The following SLC7A5 variants were observed in gnomAD, a reference collection of about 807,000 sequenced individuals.
The protein encoded by SLC7A5 is solute carrier family 7 member 5.
SLC7A5 carries 23 observed loss-of-function variants against 50.2 expected under a neutral mutation model. The ratio of observed to expected loss-of-function variants is 0.46; its 90% CI spans 0.33 to 0.65. The LOEUF is 0.65. Among genes scored for constraint, SLC7A5 ranks in the 30% least tolerant of loss-of-function variants. SLC7A5 has a pLI of 0.02. For missense variants in SLC7A5, 578 were observed against 684.4 expected (o/e 0.84, Z 1.73); for synonymous variants, 393 against 330.6 (o/e 1.19, Z -2.05).
intron 1 of SLC7A5, among the ~76,000 whole-genome samples, chr16:87,854,280 CTTATATTTATTCCTT>C (rs2055285408): frequency 6.6e-6 from 1 of 152,090 alleles, no homozygotes; most frequent in South Asian, 2.1e-4. Flanking sequence ...CAAAGGGGAC[CTTATATTTATTCCTT>C]TTATAACAAG....
rs746506885 is a variant in SLC7A5 at position 87,868,937 on chromosome 16, G to A, written c.486C>T (p.Pro162=). Residue 162 remains proline (P), a synonymous_variant, in exon 1 of 10, where the codon CCC becomes CCT. Coordinates refer to ENST00000261622, the MANE Select transcript of SLC7A5 (RefSeq NM_003486.7). ...FATYLLKPLF[P]TCPVPEEAAK... is the part of the protein sequence containing the mutation. ...CTGCCTCCTCGGGCACCGGGCAGGT[G>A]GGGAAGAGCGGCTTGAGCAGGTAGG... 3.7e-6 allele frequency: 6 copies of A among 1,610,346 alleles called. No homozygotes were observed. In the African/African-American group the frequency reaches 4.0e-5, roughly 11 times the overall value.
In SLC7A5 at chr16:87,869,170, C is replaced by T; in HGVS notation, c.253G>A (p.Ala85Thr). The T allele has an allele frequency of 6.2e-7, 1 of 1,612,196 alleles. No individual in the cohort carries two copies. Among genetic ancestry groups the T allele is most frequent in the Non-Finnish European group, 8.5e-7 (1 of 1,179,736 alleles). Residue 85 changes from alanine (A) to threonine (T), a missense_variant, in exon 1 of 10, where the codon GCG becomes ACG. Ala to Thr is a moderately conservative substitution (Grantham distance 58, BLOSUM62 0). Coordinates refer to ENST00000261622, the MANE Select transcript of SLC7A5 (RefSeq NM_003486.7). ...VLKEAGSPGL[A>T]LVVWAACGVF... ...CCGCACGCGGCCCACACCACCAGCG[C>T]CAGCCCCGGCGAGCCTGCCTCCTTG...
chr16:87,839,141 C>G (rs1461096774), intron 5 of SLC7A5, among the ~76,000 whole-genome samples: 2 of 152,228 alleles, frequency 1.3e-5, no homozygotes, highest in Non-Finnish European at 2.9e-5. Context: ...CAGCACGGTG[C>G]CCTGCCGGCA....
At chr16:87,836,455 C>G (rs375131683) in intron 8 of SLC7A5, 43 bp downstream of exon 8, 16 of 1,601,476 alleles carry the variant, frequency 1.0e-5, no homozygotes, top group African/African-American at 2.7e-5. Context: ...CGGACCCTGC[C>G]TCTGTGAAGG....
chr16:87,835,719 C>T (rs2054993170), intron 8 of SLC7A5, among the ~76,000 whole-genome samples: 1 of 152,194 alleles, frequency 6.6e-6, no homozygotes, highest in African/African-American at 2.4e-5. Context: ...TGTGATCTGC[C>T]CGCCTCGGCC....
At position 87,834,579 on chromosome 16, in the gene SLC7A5, G is replaced by A. The variant is rs1038464020; in HGVS notation, c.1303C>T (p.Leu435=). ...LERPIKVNLA[L]PVFFILACLF... is the part of the protein sequence containing the mutation. ...CAGGCCAGGATGAAGAACACAGGCA[G>A]GGCCAGGTTCACCTGGGGCAGAGGA... Residue 435 remains leucine (L), a synonymous_variant, in exon 9 of 10, where the codon CTG becomes TTG. Transcript: ENST00000261622. 12 of 1,590,844 alleles carry A rather than the reference G, an allele frequency of 7.5e-6. No individual in the cohort carries two copies. Among genetic ancestry groups the A allele is most frequent in the African/African-American group, 1.3e-5 (1 of 74,792 alleles).
chr16:87,851,671 C>T lies in SLC7A5; in HGVS notation c.664+53G>A, dbSNP rs977736837. 3.1e-6 allele frequency: 5 copies of T among 1,593,328 alleles called. No homozygotes were observed. In the African/African-American group the frequency reaches 5.4e-5, roughly 17 times the overall value. On this transcript the variant is annotated intron_variant, in intron 2 of 9. Transcript: ENST00000261622. ...ACGGGACCTCATGCCCTGTGAAGGA[C>T]ACACAGGCAAAGCCTCGAGGGGCCG... is the stretch of plus-strand genomic sequence containing the variant.
intron 1 of SLC7A5, among the ~76,000 whole-genome samples, chr16:87,867,876 G>A (rs1396169788): frequency 6.6e-6 from 1 of 152,176 alleles, no homozygotes; most frequent in Non-Finnish European, 1.5e-5. Context: ...AGCACTTTGG[G>A]AGGCCGAGGC....
chr16:87,856,581 A>G (rs1194207832), intron 1 of SLC7A5, among the ~76,000 whole-genome samples: 5 of 152,136 alleles, frequency 3.3e-5, no homozygotes, highest in Non-Finnish European at 7.4e-5. Flanking sequence ...CAAACCTGAC[A>G]CCCAGCCTTG....
chr16:87,846,318 G>A (rs2055153603), intron 2 of SLC7A5, among the ~76,000 whole-genome samples: 2 of 152,256 alleles, frequency 1.3e-5, no homozygotes, highest in Admixed American at 1.3e-4. Flanking sequence ...GTGAGCTTTG[G>A]CAGCTCGAGG....
chr16:87,850,000 C>T (rs2055199668), intron 2 of SLC7A5, among the ~76,000 whole-genome samples: 1 of 152,212 alleles, frequency 6.6e-6, no homozygotes, highest in African/African-American at 2.4e-5. Flanking sequence ...GACAGTCTGG[C>T]CCCAGCCCCT....
intron 2 of SLC7A5, among the ~76,000 whole-genome samples, chr16:87,847,339 C>T (rs372656350): frequency 6.6e-6 from 1 of 152,174 alleles, no homozygotes; most frequent in Non-Finnish European, 1.5e-5. Context: ...GGGGGCTGGA[C>T]GCCCCCACCC....
At chr16:87,845,430 A>C (rs1014624326) in intron 2 of SLC7A5, among the ~76,000 whole-genome samples, 2 of 150,690 alleles carry the variant, frequency 1.3e-5, no homozygotes, top group African/African-American at 2.5e-5. Context: ...CACAGAGTCC[A>C]CGCCCACCCC....
chr16:87,857,529 C>A (rs1475069970), intron 1 of SLC7A5, among the ~76,000 whole-genome samples: 3 of 152,212 alleles, frequency 2.0e-5, no homozygotes, highest in East Asian at 1.9e-4. Context: ...GCGATCCGCC[C>A]ACCTTGGCCT....
In SLC7A5 at chr16:87,838,736, C is replaced by A; in HGVS notation, c.1021G>T (p.Gly341Trp). The A allele has an allele frequency of 6.2e-7, 1 of 1,613,952 alleles. No homozygotes were observed. ...VGLSCFGSVNGSLFTSSRLFF... is the reference protein window; with the variant it reads ...VGLSCFGSVNWSLFTSSRLFF... ...CACCTGGAGGATGTGAACAGGGACCCATTGACGGAGCCGAAGCAGGACAGG... is the reference window on the plus strand; with the variant it reads ...CACCTGGAGGATGTGAACAGGGACCAATTGACGGAGCCGAAGCAGGACAGG... Residue 341 changes from glycine to tryptophan, a missense_variant, in exon 6 of 10, where the codon GGG becomes TGG. Around this residue, in one of 2 missense-constraint regions of SLC7A5, gnomAD observed 465 missense variants for 594.6 expected, o/e 0.78. Coordinates refer to ENST00000261622, the MANE Select transcript of SLC7A5 (RefSeq NM_003486.7).
At chr16:87,849,166 T>C (rs1053911849) in intron 2 of SLC7A5, among the ~76,000 whole-genome samples, 3 of 152,350 alleles carry the variant, frequency 2.0e-5, no homozygotes, top group African/African-American at 4.8e-5. Flanking sequence ...TTGAAGTATC[T>C]GGGGGCGCTG....
rs1301597696 is a variant in SLC7A5 at position 87,841,718 on chromosome 16, G to A, written c.665-563C>T. 6.6e-6 allele frequency among the ~76,000 whole-genome samples: 1 copy of A among 152,194 alleles called. No individual in the cohort carries two copies. Among genetic ancestry groups the A allele is most frequent in the African/African-American group, 2.4e-5 (1 of 41,438 alleles). ...GTGTGGCCAGCTGCAGCCGGGGCAG[G>A]GGCAGGAGCAGGGCTGCCAGGGCCG... On this transcript the variant is annotated intron_variant, in intron 2 of 9. Coordinates refer to ENST00000261622, the MANE Select transcript of SLC7A5 (RefSeq NM_003486.7). This position sits in a 1 kb window ranked among gnomAD's most constrained non-coding sequence, Gnocchi z 4.8.
At chr16:87,865,391 A>G (rs931308310) in intron 1 of SLC7A5, among the ~76,000 whole-genome samples, 3 of 152,098 alleles carry the variant, frequency 2.0e-5, no homozygotes, top group African/African-American at 7.2e-5. Context: ...AGCTTTACCT[A>G]CTGGGACCAA....
rs1185350305 is a variant in SLC7A5, at chr16:87,862,503, T to G, written c.538+6382A>C. Among the ~76,000 whole-genome samples the G allele has an allele frequency of 6.6e-6, 1 of 152,250 alleles. No homozygotes were observed. The highest frequency in any genetic ancestry group is 2.4e-5 in the African/African-American group (1 of 41,468). On this transcript the variant is annotated intron_variant, in intron 1 of 9. Coordinates refer to ENST00000261622, the MANE Select transcript of SLC7A5 (RefSeq NM_003486.7). This position sits in a 1 kb window ranked among gnomAD's most constrained non-coding sequence, Gnocchi z 5.3. Reference sequence around the variant, plus strand: ...CCGAGCGTGGGTGGGTGACATCATCTCGCACCCAGAGCTCCAGACTAAAGG... The same window carrying G: ...CCGAGCGTGGGTGGGTGACATCATCGCGCACCCAGAGCTCCAGACTAAAGG...
Sources: allele counts gnomAD v4.1 joint callset (sites outside exome capture counted in the v4.1 genomes callset), GRCh38; gene constraint gnomAD v4.1.1; regional missense constraint gnomAD v4.1.1; non-coding constraint Gnocchi (gnomAD v3.1); transcripts MANE v1.5; gene names NCBI Gene and HGNC (gene_info 2026-07-23, HGNC 2026-07-21).